Variants in RBMS3 observed in about 807,000 individuals in gnomAD.
RBMS3 encodes the protein RNA-binding motif, single-stranded-interacting protein 3.
In RBMS3, 27 loss-of-function variants were observed where a neutral mutation model predicts 66.8. The ratio of observed to expected loss-of-function variants is 0.40; its 90% CI spans 0.30 to 0.56. The LOEUF (loss-of-function observed/expected upper bound fraction) is 0.56, where lower values mean the gene tolerates loss of function less well. Among genes scored for constraint, RBMS3 ranks in the 20% least tolerant of loss-of-function variants. The pLI, the probability that RBMS3 is intolerant of heterozygous loss-of-function variation, is 0.40. For synonymous variants in RBMS3, 188 were observed against 183.0 expected, an observed-to-expected ratio of 1.03 and a Z score of -0.22; for missense variants, 513 against 549.5, an observed-to-expected ratio of 0.93 and a Z score of 0.66.
intron 2 of RBMS3, among the ~76,000 whole-genome samples, chr3:29,462,836 A>T (rs1244873267): frequency 6.6e-6 from 1 of 152,248 alleles, no homozygotes; most frequent in African/African-American, 2.4e-5. Context: ...TGACTTAAGA[A>T]AATGAAGTGG....
intron 14 of RBMS3, 172 bp downstream of exon 14, chr3:29,991,381 A>T (rs1362225933): frequency 1.9e-6 from 2 of 1,038,042 alleles, no homozygotes; most frequent in African/African-American, 3.2e-5. Flanking sequence ...CTTTGGGTGG[A>T]TGGTTCTTCT....
intron 1 of RBMS3, among the ~76,000 whole-genome samples, chr3:29,377,576 T>C (rs1363697256): frequency 1.3e-5 from 2 of 152,186 alleles, no homozygotes; most frequent in African/African-American, 2.4e-5. Context: ...TGCATGCCCC[T>C]CTGAGCAGTT....
intron 7 of RBMS3, among the ~76,000 whole-genome samples, chr3:29,874,044 A>T (rs1042622016): frequency 2.0e-5 from 3 of 152,172 alleles, no homozygotes; most frequent in South Asian, 2.1e-4. Context: ...GACAGAAGAC[A>T]CACTCCGTAA....
At chr3:29,748,285 C>T (rs185437253) in intron 5 of RBMS3, among the ~76,000 whole-genome samples, 3 of 152,188 alleles carry the variant, frequency 2.0e-5, no homozygotes, top group Non-Finnish European at 2.9e-5. Context: ...AATTGTGAAA[C>T]ATTGAGTAAG....
chr3:29,283,901 A>T (rs2032038059), intron 1 of RBMS3, among the ~76,000 whole-genome samples: 1 of 152,108 alleles, frequency 6.6e-6, no homozygotes, highest in African/African-American at 2.4e-5. Context: ...TTGCATAGAG[A>T]GGAAATGAGA....
At chr3:29,891,754 T>C (rs1478857062) in intron 8 of RBMS3, among the ~76,000 whole-genome samples, 1 of 151,546 alleles carries the variant, frequency 6.6e-6, no homozygotes, top group African/African-American at 2.4e-5. Context: ...ATGTGGGCAT[T>C]TGGTATTAAG....
chr3:29,674,774 A>T (rs572315636), intron 4 of RBMS3, among the ~76,000 whole-genome samples: 1 of 151,824 alleles, frequency 6.6e-6, no homozygotes, highest in African/African-American at 2.4e-5. Flanking sequence ...AAATGGAAGA[A>T]CATTCCATGC....
intron 3 of RBMS3, among the ~76,000 whole-genome samples, chr3:29,557,174 T>G (rs919086404): frequency 6.6e-6 from 1 of 152,230 alleles, no homozygotes; most frequent in Non-Finnish European, 1.5e-5. Context: ...CTTTTTCCTG[T>G]ACTCCACATT....
At chr3:29,482,701 C>CTTTCTTTCTTTTTTT (rs759435190) in intron 2 of RBMS3, among the ~76,000 whole-genome samples, 2 of 77,512 alleles carry the variant, frequency 2.6e-5, no homozygotes, top group Non-Finnish European at 4.6e-5. Flanking sequence ...TTCTTTCTTT[C>CTTTCTTTCTTTTTTT]TTTTTTTTTT....
intron 4 of RBMS3, among the ~76,000 whole-genome samples, chr3:29,686,403 G>T (rs1191162386): frequency 1.3e-5 from 2 of 152,086 alleles, no homozygotes; most frequent in African/African-American, 4.8e-5. Context: ...CAAAAAATAG[G>T]CCGGGCATGG....
chr3:29,878,344 A>T (rs1405442288), intron 7 of RBMS3, among the ~76,000 whole-genome samples: 3 of 152,044 alleles, frequency 2.0e-5, no homozygotes, highest in Non-Finnish European at 4.4e-5. Flanking sequence ...GTTTCTCTGA[A>T]TATCTTAGTT....
In RBMS3 at chr3:29,286,513, G is replaced by A. The variant is rs1372926676; in HGVS notation, c.75+4757G>A. On this transcript the variant is annotated intron_variant, in intron 1 of 14. Coordinates refer to ENST00000383767, the MANE Select transcript of RBMS3 (RefSeq NM_001003793.3). The stretch of plus-strand genomic sequence containing the variant: ...AGGAAAATATCATGTATATTTAACA[G>A]CATCTTTCTAAAGCATTTTCCTTTC... Among the ~76,000 whole-genome samples, 7 of 152,124 alleles carry A rather than the reference G, an allele frequency of 4.6e-5. No homozygotes were observed. The East Asian group carries it at 1.4e-3, about 30-fold the overall frequency.
chr3:29,814,855 C>T (rs546141064), intron 6 of RBMS3, among the ~76,000 whole-genome samples: 2 of 152,260 alleles, frequency 1.3e-5, no homozygotes, highest in South Asian at 4.2e-4. Flanking sequence ...CAGTAAGAGC[C>T]TGGAAAATAA....
At chr3:29,976,325 C>A (rs1481267463) in intron 12 of RBMS3, among the ~76,000 whole-genome samples, 2 of 152,016 alleles carry the variant, frequency 1.3e-5, no homozygotes, top group African/African-American at 4.8e-5. Context: ...ACTTTCACTC[C>A]CAGTAGAAGT....
At chr3:29,513,409 G>T (rs58648640) in intron 3 of RBMS3, among the ~76,000 whole-genome samples, 1 of 152,004 alleles carries the variant, frequency 6.6e-6, no homozygotes, top group African/African-American at 2.4e-5. Context: ...CTCTGTGAAC[G>T]ATATCTCTGC....
chr3:29,460,486 T>C (rs1325772358), intron 2 of RBMS3, among the ~76,000 whole-genome samples: 1 of 152,212 alleles, frequency 6.6e-6, no homozygotes, highest in African/African-American at 2.4e-5. Context: ...AAAATGCCAC[T>C]GATGTATCTG....
chr3:29,908,250 CA>C (rs774960457), intron 10 of RBMS3, among the ~76,000 whole-genome samples: 2,175 of 138,414 alleles, frequency 0.016, 25 homozygotes, highest in Non-Finnish European at 0.023. Flanking sequence ...GACCTTGTCT[CA>C]AAAAAAAAAA....
intron 4 of RBMS3, among the ~76,000 whole-genome samples, chr3:29,702,824 A>G (rs1337268690): frequency 6.6e-6 from 1 of 152,200 alleles, no homozygotes; most frequent in Non-Finnish European, 1.5e-5. Flanking sequence ...CGTCAGAAGG[A>G]ACAAACTCTG....
At chr3:29,464,303 C>T (rs1280327716) in intron 2 of RBMS3, among the ~76,000 whole-genome samples, 3 of 152,134 alleles carry the variant, frequency 2.0e-5, no homozygotes, top group Non-Finnish European at 4.4e-5. Context: ...TTGTAAACCA[C>T]CTTCTAAGGA....
Sources: gnomAD v4.1 joint callset for allele counts (sites outside exome capture counted in the v4.1 genomes callset) on GRCh38, gnomAD v4.1.1 for gene constraint, MANE v1.5 for transcripts, NCBI Gene and HGNC (gene_info 2026-07-23, HGNC 2026-07-21) for gene names.